The following TVP23A variants were observed in gnomAD, a reference collection of about 807,000 sequenced individuals.
TVP23A encodes trans-golgi network vesicle protein 23 homolog A, also known as Golgi apparatus membrane protein TVP23 homolog A.
TVP23A carries 21 observed loss-of-function variants against 31.7 expected under a neutral mutation model. That is an observed-to-expected ratio of 0.66 (90% CI 0.47 to 0.95). The LOEUF (loss-of-function observed/expected upper bound fraction) is 0.95. Among genes scored for constraint, TVP23A ranks in the 40% least tolerant of loss-of-function variants. The pLI is 0.00. For synonymous variants in TVP23A, 104 were observed against 96.0 expected, an observed-to-expected ratio of 1.08 and a Z score of -0.49; for missense variants, 279 against 255.6, an observed-to-expected ratio of 1.09 and a Z score of -0.62.
chr16:10,760,500 C>G (rs1900871524), downstream of TVP23A, among the ~76,000 whole-genome samples: 1 of 152,232 alleles, frequency 6.6e-6, no homozygotes, highest in South Asian at 2.1e-4. Context: ...AACCCTAACA[C>G]TCTGGGAGGC....
chr16:10,759,650 C>T (rs1900803819), downstream of TVP23A, among the ~76,000 whole-genome samples: 1 of 152,102 alleles, frequency 6.6e-6, no homozygotes, highest in Non-Finnish European at 1.5e-5. The surrounding 1 kb of genome is among the most constrained non-coding windows in gnomAD (Gnocchi z 4.7). Context: ...GTGGTGGGCA[C>T]CTGTAATCCC....
At chr16:10,772,519 G>C (rs970421035) in intron 5 of TVP23A, among the ~76,000 whole-genome samples, 1 of 152,068 alleles carries the variant, frequency 6.6e-6, no homozygotes, top group Admixed American at 6.6e-5. Flanking sequence ...ACAGGCGTGT[G>C]CCACTACGCC....
chr16:10,775,257 A>C, intron 2 of TVP23A, 161 bp from the exon 3 acceptor site: 1 of 1,440,574 alleles, frequency 6.9e-7, no homozygotes, highest in Admixed American at 2.8e-5. Context: ...CCCTGGGGAC[A>C]CATCATTAGG....
chr16:10,790,686 T>C (rs1018884836), intron 2 of TVP23A, among the ~76,000 whole-genome samples: 1 of 152,148 alleles, frequency 6.6e-6, no homozygotes, highest in African/African-American at 2.4e-5. Context: ...ATAAAACCTA[T>C]CTGATGAAAA....
At chr16:10,803,243 C>T (rs1056502479) in intron 2 of TVP23A, among the ~76,000 whole-genome samples, 1 of 98,390 alleles carries the variant, frequency 1.0e-5, no homozygotes, top group African/African-American at 6.7e-5. Flanking sequence ...GAGATCGCGC[C>T]ACTGTGTGTG....
In TVP23A at chr16:10,770,697, A is replaced by AC. The variant is rs145800211; in HGVS notation, c.583-367dup. ...AGACCAGCCTGGTCAACATGGAGAG[A>AC]CCCCGTCTACTATAAATACAAAAAT... On this transcript the variant is annotated intron_variant, in intron 6 of 7. Coordinates refer to ENST00000299866, the MANE Select transcript of TVP23A (RefSeq NM_001079512.4). Among the ~76,000 whole-genome samples, 225 of 151,542 alleles carry AC rather than the reference A, an allele frequency of 1.5e-3. 1 individual carries two copies. The East Asian group carries it at 0.026, about 17-fold the overall frequency.
At chr16:10,799,234 A>G (rs778215199) in intron 2 of TVP23A, among the ~76,000 whole-genome samples, 2 of 152,246 alleles carry the variant, frequency 1.3e-5, no homozygotes, top group African/African-American at 2.4e-5. Flanking sequence ...AACTTCAGGT[A>G]TAAGATAATA....
chr16:10,797,978 T>C (rs1230993134), intron 2 of TVP23A, among the ~76,000 whole-genome samples: 11 of 143,610 alleles, frequency 7.7e-5, no homozygotes, highest in East Asian at 4.0e-4. Context: ...TTTTTTGAGA[T>C]GGAGTCTTGC....
At chr16:10,758,187 T>G (rs1900698371), downstream of TVP23A, among the ~76,000 whole-genome samples, 1 of 152,138 alleles carries the variant, frequency 6.6e-6, no homozygotes, top group Admixed American at 6.6e-5. Flanking sequence ...TGTTAAAAAC[T>G]TCAGCCAGCA....
chr16:10,763,102 G>T (rs979544074), downstream of TVP23A, among the ~76,000 whole-genome samples: 2 of 152,092 alleles, frequency 1.3e-5, no homozygotes, highest in Admixed American at 1.3e-4. Flanking sequence ...GTCACCTGGA[G>T]GAGGGTCCGT....
chr16:10,784,055 G>A (rs1358666662), intron 2 of TVP23A, among the ~76,000 whole-genome samples: 3 of 152,116 alleles, frequency 2.0e-5, no homozygotes. Flanking sequence ...AATGGGCTAG[G>A]CGTGGTGGCT....
intron 2 of TVP23A, among the ~76,000 whole-genome samples, chr16:10,796,854 G>C (rs763890826): frequency 5.9e-5 from 9 of 152,170 alleles, no homozygotes; most frequent in Non-Finnish European, 1.0e-4. Context: ...ATCAAGGATA[G>C]GGACGCTGGC....
chr16:10,783,883 C>A (rs1051223069), intron 2 of TVP23A, among the ~76,000 whole-genome samples: 1 of 152,136 alleles, frequency 6.6e-6, no homozygotes, highest in Non-Finnish European at 1.5e-5. Flanking sequence ...CTGGAAAAGG[C>A]AACACTCTAG....
chr16:10,811,593 A>AACACACACAC (rs372503368), intron 2 of TVP23A, among the ~76,000 whole-genome samples: 2 of 150,848 alleles, frequency 1.3e-5, no homozygotes, highest in African/African-American at 4.9e-5. Flanking sequence ...TATTAAATTA[A>AACACACACAC]ACACACACAC....
downstream of TVP23A, among the ~76,000 whole-genome samples, chr16:10,758,570 A>G (rs1052859789): frequency 6.6e-6 from 1 of 152,198 alleles, no homozygotes; most frequent in Admixed American, 6.5e-5. Flanking sequence ...GGATTAAACA[A>G]TAGTGGGTCA....
intron 2 of TVP23A, among the ~76,000 whole-genome samples, chr16:10,792,272 C>G (rs2033148375): frequency 1.3e-5 from 2 of 152,182 alleles, no homozygotes; most frequent in Non-Finnish European, 2.9e-5. Flanking sequence ...CAATGAACCC[C>G]AGGTATTTAC....
At chr16:10,793,712 T>C (rs990400164) in intron 2 of TVP23A, among the ~76,000 whole-genome samples, 1 of 151,340 alleles carries the variant, frequency 6.6e-6, no homozygotes, top group Non-Finnish European at 1.5e-5. Flanking sequence ...TTGGGAAACA[T>C]AGGGAGACCC....
intron 2 of TVP23A, among the ~76,000 whole-genome samples, chr16:10,780,098 AATG>A (rs2032330787): frequency 6.9e-6 from 1 of 144,986 alleles, no homozygotes; most frequent in Non-Finnish European, 1.5e-5. Flanking sequence ...AAAATGAATG[AATG>A]AATGAATGAA....
chr16:10,764,531 C>A (rs967539818), downstream of TVP23A, among the ~76,000 whole-genome samples: 1 of 150,396 alleles, frequency 6.6e-6, no homozygotes, highest in Non-Finnish European at 1.5e-5. Context: ...TGGAGCATCT[C>A]ATTCTGCTGG....
Sources: gnomAD v4.1 joint callset for allele counts (sites outside exome capture counted in the v4.1 genomes callset) on GRCh38, gnomAD v4.1.1 for gene constraint, Gnocchi (gnomAD v3.1) non-coding constraint, MANE v1.5 for transcripts, NCBI Gene and HGNC (gene_info 2026-07-23, HGNC 2026-07-21) for gene names.